EPDR1: variants seen among roughly 807,000 people sequenced by gnomAD.
The protein encoded by EPDR1 is ependymin related 1.
In EPDR1, 27 loss-of-function variants were observed where a neutral mutation model predicts 23.7. That is an observed-to-expected ratio of 1.14 (90% confidence interval 0.84 to 1.57). The LOEUF (loss-of-function observed/expected upper bound fraction) is 1.57. Among genes scored for constraint, EPDR1 ranks in the 40% most tolerant of loss-of-function variants. EPDR1 has a pLI of 0.00. For missense variants in EPDR1, 349 were observed against 290.4 expected (o/e 1.20, Z -1.47); for synonymous variants, 137 against 118.2 (o/e 1.16, Z -1.03).
chr7:37,926,141 G>A (rs1785804663), intron 1 of EPDR1, among the ~76,000 whole-genome samples: 1 of 152,128 alleles, frequency 6.6e-6, no homozygotes, highest in Non-Finnish European at 1.5e-5. Flanking sequence ...ATCACCTAAG[G>A]TAACTTCAGT....
chr7:37,926,745 T>C (rs1409410163), intron 1 of EPDR1: 3 of 449,698 alleles, frequency 6.7e-6, no homozygotes, highest in Middle Eastern at 3.3e-4. Context: ...TTTGATCACC[T>C]GATTGACTGT....
In EPDR1 at chr7:37,920,817, C is replaced by A; in HGVS notation, c.-123C>A. 3.7e-6 allele frequency: 6 copies of A among 1,610,520 alleles called. No individual in the cohort carries two copies. Among genetic ancestry groups the A allele is most frequent in the Non-Finnish European group, 5.1e-6 (6 of 1,178,420 alleles). On this transcript the variant is annotated 5_prime_UTR_variant, in exon 1 of 3. Transcript: ENST00000199448. ...GAGGCCACCGAAGGGACAGGAAGCACTTTGGTCCAGACCACACTCCCGGCA... is the reference window on the plus strand; with the variant it reads ...GAGGCCACCGAAGGGACAGGAAGCAATTTGGTCCAGACCACACTCCCGGCA...
chr7:37,950,134 A>G (rs1365456656), intron 2 of EPDR1, 66 bp from the exon 3 acceptor site: 2 of 1,230,252 alleles, frequency 1.6e-6, no homozygotes, highest in African/African-American at 1.5e-5. Flanking sequence ...TTTTACCACC[A>G]TAAGAAAAAA....
chr7:37,938,439 T>C (rs1229548366), intron 1 of EPDR1, among the ~76,000 whole-genome samples: 1 of 152,190 alleles, frequency 6.6e-6, no homozygotes, highest in East Asian at 1.9e-4. Flanking sequence ...ATTGATATGG[T>C]GGAGAAGCTC....
chr7:37,944,147 C>CG (rs1315179980), intron 1 of EPDR1, among the ~76,000 whole-genome samples: 4 of 152,160 alleles, frequency 2.6e-5, no homozygotes, highest in Non-Finnish European at 5.9e-5. Flanking sequence ...ACTCTGTAAG[C>CG]GGGGGTGCTC....
intron 1 of EPDR1, among the ~76,000 whole-genome samples, chr7:37,924,233 A>C (rs768836022): frequency 6.6e-6 from 1 of 152,358 alleles, no homozygotes; most frequent in Middle Eastern, 3.4e-3. Flanking sequence ...TCATTGAGCA[A>C]ACATCTAATG....
At chr7:37,933,904 A>G (rs1241224756) in intron 1 of EPDR1, among the ~76,000 whole-genome samples, 1 of 152,092 alleles carries the variant, frequency 6.6e-6, no homozygotes, top group Non-Finnish European at 1.5e-5. Context: ...TTCTTGGGAT[A>G]CATGTTCCTA....
chr7:37,944,255 T>C (rs545280120), intron 1 of EPDR1, among the ~76,000 whole-genome samples: 1 of 152,084 alleles, frequency 6.6e-6, no homozygotes, highest in African/African-American at 2.4e-5. Flanking sequence ...CCTATTCCAT[T>C]TGCGTTTTGG....
At chr7:37,939,801 C>G (rs949456158) in intron 1 of EPDR1, among the ~76,000 whole-genome samples, 2 of 152,170 alleles carry the variant, frequency 1.3e-5, no homozygotes, top group Admixed American at 1.3e-4. Context: ...ACAACATGCT[C>G]TGTTGGCAGG....
chr7:37,928,899 C>A (rs554688954), intron 1 of EPDR1, among the ~76,000 whole-genome samples: 1 of 152,326 alleles, frequency 6.6e-6, no homozygotes, highest in East Asian at 1.9e-4. Context: ...AGCCTCCTAA[C>A]AGTTGTCCCC....
intron 1 of EPDR1, among the ~76,000 whole-genome samples, chr7:37,939,283 AT>A (rs956804720): frequency 1.3e-5 from 2 of 151,486 alleles, no homozygotes; most frequent in African/African-American, 2.4e-5. Flanking sequence ...CTGGCCCAAG[AT>A]TTTTTTTTCT....
At chr7:37,923,826 T>G (rs1207438789) in intron 1 of EPDR1, among the ~76,000 whole-genome samples, 1 of 152,174 alleles carries the variant, frequency 6.6e-6, no homozygotes, top group Non-Finnish European at 1.5e-5. Flanking sequence ...ATGCCTAATT[T>G]ATTGGATTAT....
Position 37,950,695 on chromosome 7 carries a change from T to C in EPDR1, c.*299T>C, listed in dbSNP as rs1786386713. 2 of 294,798 alleles carry C rather than the reference T, an allele frequency of 6.8e-6. No individual in the cohort carries two copies. The highest frequency in any genetic ancestry group is 4.3e-5 in the African/African-American group (2 of 46,980). The allele number at this position is 294,798 out of a possible 1,614,324, so 18.3% of individuals were successfully genotyped here. A position where few individuals can be genotyped will look rare whatever the true frequency, so the allele number is the denominator to read the frequency against. ...TCTGCATGCACGGGTATACACATAATGCAGTGCCATGCACATAGGGAAGGG... is the reference window on the plus strand; with the variant it reads ...TCTGCATGCACGGGTATACACATAACGCAGTGCCATGCACATAGGGAAGGG... On this transcript the variant is annotated 3_prime_UTR_variant, in exon 3 of 3. Coordinates refer to ENST00000199448, the MANE Select transcript of EPDR1 (RefSeq NM_017549.5).
At chr7:37,937,844 GC>G (rs150575132) in intron 1 of EPDR1, among the ~76,000 whole-genome samples, 5,897 of 152,060 alleles carry the variant, frequency 0.039, 381 homozygotes, top group African/African-American at 0.13. Context: ...CTTGACAGAA[GC>G]CCCATCAACT....
At chr7:37,928,239 A>G (rs1287492121) in intron 1 of EPDR1, among the ~76,000 whole-genome samples, 1 of 152,214 alleles carries the variant, frequency 6.6e-6, no homozygotes, top group Non-Finnish European at 1.5e-5. Flanking sequence ...GACCTTGAGG[A>G]TGGTGGTCAG....
chr7:37,950,278 T>C lies in EPDR1; in HGVS notation c.557T>C (p.Ile186Thr), dbSNP rs763164369. The C allele has an allele frequency of 1.9e-6, 3 of 1,613,988 alleles. No homozygotes were observed. The African/African-American group carries it at 4.0e-5, about 22-fold the overall frequency. ...ACCTTTACCATAAACTACAGTGTGA[T>C]ATTGTCTACGCGGTTTTTTGACATC... is the stretch of plus-strand genomic sequence containing the variant. ...QETFTINYSV[I>T]LSTRFFDIQL... The change falls in exon 3 of 3, where the codon ATA (isoleucine) becomes ACA (threonine). Residue 186 changes from isoleucine to threonine, a missense_variant. By Grantham distance (89) the Ile-to-Thr change is moderately conservative (BLOSUM62 -1). Transcript: ENST00000199448.
intron 1 of EPDR1, among the ~76,000 whole-genome samples, chr7:37,941,658 C>G (rs1195245338): frequency 2.0e-5 from 3 of 152,178 alleles, no homozygotes; most frequent in African/African-American, 7.2e-5. Context: ...TTCAAAGAGT[C>G]AATGTCATGT....
chr7:37,934,618 C>A (rs560794976), intron 1 of EPDR1, among the ~76,000 whole-genome samples: 59 of 152,110 alleles, frequency 3.9e-4, no homozygotes, highest in African/African-American at 1.3e-3. Context: ...TCCATGGATT[C>A]CACCAACTAC....
At position 37,920,858 on chromosome 7, in the gene EPDR1, C is replaced by T. The variant is rs748901466; in HGVS notation, c.-82C>T. 1.9e-6 allele frequency: 3 copies of T among 1,610,310 alleles called. No individual in the cohort carries two copies. Among genetic ancestry groups the T allele is most frequent in the Non-Finnish European group, 2.5e-6 (3 of 1,178,790 alleles). Reference sequence around the variant, plus strand: ...ACTCCCGGCACAGTGCGGAAAGAGCCGGCGGGAGCCACTCTGATCCCGGAC... The same window carrying T: ...ACTCCCGGCACAGTGCGGAAAGAGCTGGCGGGAGCCACTCTGATCCCGGAC... On this transcript the variant is annotated 5_prime_UTR_variant, in exon 1 of 3. Coordinates refer to ENST00000199448, the MANE Select transcript of EPDR1 (RefSeq NM_017549.5).
Sources: gnomAD v4.1 joint callset for allele counts (sites outside exome capture counted in the v4.1 genomes callset) on GRCh38, gnomAD v4.1.1 for gene constraint, MANE v1.5 for transcripts, NCBI Gene and HGNC (gene_info 2026-07-23, HGNC 2026-07-21) for gene names.